The following UBE2D4 variants were observed in gnomAD, a reference collection of about 807,000 sequenced individuals.
UBE2D4 encodes the protein ubiquitin conjugating enzyme E2 D4.
UBE2D4 carries 17 observed loss-of-function variants against 23.0 expected under a neutral mutation model. The ratio of observed to expected loss-of-function variants is 0.74; its 90% CI spans 0.51 to 1.11. The LOEUF (loss-of-function observed/expected upper bound fraction) is 1.11, where lower values mean the gene tolerates loss of function less well. Among genes scored for constraint, UBE2D4 ranks in the 50% least tolerant of loss-of-function variants. The pLI is 0.00. For missense variants in UBE2D4, 139 were observed against 181.8 expected (o/e 0.76, Z 1.35); for synonymous variants, 61 against 69.4 (o/e 0.88, Z 0.60).
intron 5 of UBE2D4, chr7:43,949,044 TATTAC>T (rs1261047141): frequency 4.6e-6 from 2 of 436,860 alleles, no homozygotes; most frequent in African/African-American, 4.0e-5. Context: ...GAAAGGCAAA[TATTAC>T]ATTACCTTCT....
intron 6 of UBE2D4, among the ~76,000 whole-genome samples, chr7:43,950,938 G>A (rs964009966): frequency 6.6e-6 from 1 of 152,238 alleles, no homozygotes; most frequent in Non-Finnish European, 1.5e-5. Context: ...CTCATTAGCT[G>A]CTGCTACTGT....
intron 6 of UBE2D4, chr7:43,951,883 T>C (rs1263037054): frequency 1.3e-5 from 2 of 152,220 alleles, no homozygotes; most frequent in East Asian, 1.9e-4. Flanking sequence ...ATTTCCCTCA[T>C]TGGAGTTTTC....
intron 3 of UBE2D4, 23 bp from the exon 4 acceptor site, chr7:43,942,931 C>G (rs764753234): frequency 5.0e-6 from 8 of 1,614,152 alleles, no homozygotes; most frequent in Middle Eastern, 3.3e-4. Flanking sequence ...GCACTGATCT[C>G]TTTCTGTGTC....
chr7:43,932,969 G>A (rs1249349596), intron 1 of UBE2D4, among the ~76,000 whole-genome samples: 1 of 125,890 alleles, frequency 7.9e-6, no homozygotes, highest in Non-Finnish European at 1.6e-5. Context: ...CCTCCTGGGG[G>A]CAACAAATGT....
At position 43,953,468 on chromosome 7, in the gene UBE2D4, C is replaced by G. The variant is rs2096007441; in HGVS notation, c.*773C>G. 3.1e-6 allele frequency: 1 copy of G among 317,922 alleles called. No individual in the cohort carries two copies. Among genetic ancestry groups the G allele is most frequent in the Non-Finnish European group, 6.1e-6 (1 of 162,862 alleles). 19.7% of individuals were successfully genotyped at this position (317,922 alleles called of 1,614,324 possible). A position where few individuals can be genotyped will look rare whatever the true frequency, so the allele number is the denominator to read the frequency against. On this transcript the variant is annotated 3_prime_UTR_variant, in exon 7 of 7. Coordinates refer to ENST00000222402, the MANE Select transcript of UBE2D4 (RefSeq NM_015983.4). ...TACCGCCCGCTCCTCCCATAGGAGC[C>G]TACACTAAGTCCAAGTGTGAGCCAT...
intron 2 of UBE2D4, 41 bp from the exon 3 acceptor site, chr7:43,942,785 T>TG (rs1363757896): frequency 8.7e-6 from 14 of 1,613,880 alleles, no homozygotes; most frequent in Admixed American, 1.7e-5. Flanking sequence ...ACATGTTTCT[T>TG]GGGGGGTCTC....
rs140976526 is a variant in UBE2D4, at chr7:43,938,453, A to G, written c.47A>G (p.Asp16Gly). The change falls in exon 2 of 7, where the codon GAT becomes GGT. Residue 16 changes from aspartate (D) to glycine (G), a missense_variant. By Grantham distance (94) the Asp-to-Gly change is moderately conservative. Coordinates refer to ENST00000222402, the MANE Select transcript of UBE2D4 (RefSeq NM_015983.4). ...IQKELTDLQRDPPAQCSAGPV... is the reference protein window; with the variant it reads ...IQKELTDLQRGPPAQCSAGPV... ...TAGGAATTAACCGACTTGCAGAGGGATCCTCCTGCCCAGTGTTCTGCAGGA... is the reference window on the plus strand; with the variant it reads ...TAGGAATTAACCGACTTGCAGAGGGGTCCTCCTGCCCAGTGTTCTGCAGGA... The G allele has an allele frequency of 5.6e-5, 90 of 1,613,990 alleles. No homozygotes were observed. Among genetic ancestry groups the G allele is most frequent in the Non-Finnish European group, 7.3e-5 (86 of 1,180,008 alleles).
In UBE2D4 at chr7:43,952,963, C is replaced by A; in HGVS notation, c.*268C>A. The A allele has an allele frequency of 2.4e-6, 1 of 423,818 alleles. No individual in the cohort carries two copies. Among genetic ancestry groups the A allele is most frequent in the Non-Finnish European group, 4.5e-6 (1 of 223,084 alleles). The allele number at this position is 423,818 out of a possible 1,614,324, so 26.3% of individuals were successfully genotyped here. A position where few individuals can be genotyped will look rare whatever the true frequency, so the allele number is the denominator to read the frequency against. On this transcript the variant is annotated 3_prime_UTR_variant, in exon 7 of 7. Coordinates refer to ENST00000222402, the MANE Select transcript of UBE2D4 (RefSeq NM_015983.4). Reference sequence around the variant, plus strand: ...GGTGACACTGGAATCTCTCTCTCTGCCGCCTCAGTTTGTCTGCTGGTCTCT... The same window carrying A: ...GGTGACACTGGAATCTCTCTCTCTGACGCCTCAGTTTGTCTGCTGGTCTCT...
At chr7:43,941,709 T>C (rs1211398187) in intron 2 of UBE2D4, 3 of 152,158 alleles carry the variant, frequency 2.0e-5, no homozygotes, top group Non-Finnish European at 4.4e-5. Flanking sequence ...ATAAGGAAAA[T>C]GGCTGAAGCC....
At chr7:43,937,184 C>A (rs2095960442) in intron 1 of UBE2D4, among the ~76,000 whole-genome samples, 1 of 152,212 alleles carries the variant, frequency 6.6e-6, no homozygotes, top group Non-Finnish European at 1.5e-5. Flanking sequence ...GTACTGCTGG[C>A]TTTTCCTGCC....
chr7:43,926,635 A>G, intron 1 of UBE2D4, 79 bp downstream of exon 1: 1 of 1,445,482 alleles, frequency 6.9e-7, no homozygotes, highest in Non-Finnish European at 9.2e-7. Flanking sequence ...CCGTGAAGTG[A>G]AAGGTGACGG....
Position 43,952,821 on chromosome 7 carries a change from C to T in UBE2D4, c.*126C>T. The T allele has an allele frequency of 1.3e-6, 1 of 789,068 alleles. No individual in the cohort carries two copies. Among genetic ancestry groups the T allele is most frequent in the Non-Finnish European group, 2.2e-6 (1 of 454,808 alleles). 48.9% of individuals were successfully genotyped at this position (789,068 alleles called of 1,614,324 possible). A position where few individuals can be genotyped will look rare whatever the true frequency, so the allele number is the denominator to read the frequency against. ...ATCTGTTCTTCAAACAAATGTTGGT[C>T]ACCCACTCTCTCCAGCTGCAGCATG... On this transcript the variant is annotated 3_prime_UTR_variant, in exon 7 of 7. Transcript: ENST00000222402.
At chr7:43,946,715 A>G (rs1353066919) in intron 4 of UBE2D4, among the ~76,000 whole-genome samples, 3 of 152,118 alleles carry the variant, frequency 2.0e-5, no homozygotes, top group Non-Finnish European at 2.9e-5. Context: ...GAAGACATTT[A>G]GGTTTTACAT....
chr7:43,938,607 G>A (rs2095963921), intron 2 of UBE2D4, 113 bp downstream of exon 2: 2 of 1,014,272 alleles, frequency 2.0e-6, no homozygotes, highest in Non-Finnish European at 3.0e-6. Context: ...AAGCCAAGGT[G>A]GGTGGATCAC....
At chr7:43,950,919 C>G (rs1585890446) in intron 6 of UBE2D4, among the ~76,000 whole-genome samples, 1 of 152,358 alleles carries the variant, frequency 6.6e-6, no homozygotes, top group East Asian at 1.9e-4. Flanking sequence ...CAGTTCCCCT[C>G]CTGGATAACT....
intron 1 of UBE2D4, among the ~76,000 whole-genome samples, chr7:43,929,887 T>C (rs754464979): frequency 1.3e-5 from 2 of 152,136 alleles, no homozygotes; most frequent in Non-Finnish European, 2.9e-5. Context: ...GATGGCACCA[T>C]TGGGCCACCA....
intron 6 of UBE2D4, 144 bp from the exon 7 acceptor site, chr7:43,952,506 C>T: frequency 2.7e-6 from 2 of 752,024 alleles, no homozygotes; most frequent in Non-Finnish European, 2.3e-6. Flanking sequence ...CAGGGAAAGC[C>T]TTTATTCCAC....
chr7:43,935,199 G>A (rs2095955880), intron 1 of UBE2D4, among the ~76,000 whole-genome samples: 1 of 152,134 alleles, frequency 6.6e-6, no homozygotes, highest in African/African-American at 2.4e-5. Context: ...TATCAGTTAC[G>A]CTTTATAGAT....
rs2096006610 is a variant in UBE2D4, at chr7:43,953,090, C to A, written c.*395C>A. The A allele has an allele frequency of 4.4e-6, 2 of 456,838 alleles. No individual in the cohort carries two copies. The highest frequency in any genetic ancestry group is 2.0e-5 in the African/African-American group (1 of 50,252). 28.3% of individuals were successfully genotyped at this position (456,838 alleles called of 1,614,324 possible). A position where few individuals can be genotyped will look rare whatever the true frequency, so the allele number is the denominator to read the frequency against. On this transcript the variant is annotated 3_prime_UTR_variant, in exon 7 of 7. Transcript: ENST00000222402. ...CCTCAGCCTGGCCCCTCACCACATACCCTTTGCCTTTTAGAACTCAGTGCC... is the reference window on the plus strand; with the variant it reads ...CCTCAGCCTGGCCCCTCACCACATAACCTTTGCCTTTTAGAACTCAGTGCC...
Sources: gnomAD v4.1 joint callset for allele counts (sites outside exome capture counted in the v4.1 genomes callset) on GRCh38, gnomAD v4.1.1 for gene constraint, MANE v1.5 for transcripts, NCBI Gene and HGNC (gene_info 2026-07-23, HGNC 2026-07-21) for gene names.